The following ZC3H14 variants were observed in gnomAD, a reference collection of about 807,000 sequenced individuals.
ZC3H14 encodes the protein zinc finger CCCH domain-containing protein 14.
In ZC3H14, 31 loss-of-function variants were observed where a neutral mutation model predicts 92.4. That is an observed-to-expected ratio of 0.34 (90% confidence interval 0.25 to 0.45). The LOEUF (loss-of-function observed/expected upper bound fraction) is 0.45, where lower values mean the gene tolerates loss of function less well. Ranked by LOEUF, ZC3H14 falls within the 20% of genes least tolerant of loss-of-function variation. The pLI, the probability that ZC3H14 is intolerant of heterozygous loss-of-function variation, is 1.00. For synonymous variants in ZC3H14, 321 were observed against 300.9 expected, an observed-to-expected ratio of 1.07 and a Z score of -0.69; for missense variants, 781 against 897.3, an observed-to-expected ratio of 0.87 and a Z score of 1.66.
chr14:88,627,412 A>T lies in ZC3H14; in HGVS notation c.*15661A>T. 1 of 502,060 alleles carries T rather than the reference A, an allele frequency of 2.0e-6. No homozygotes were observed. The highest frequency in any genetic ancestry group is 3.5e-6 in the Non-Finnish European group (1 of 286,954). 31.1% of individuals were successfully genotyped at this position (502,060 alleles called of 1,614,324 possible). On this transcript the variant is annotated 3_prime_UTR_variant, in exon 17 of 17. Transcript: ENST00000251038. ...TTCTTGCTGGAAGAAAATAGCAGTG[A>T]ATCATTTATAATGCTAATAATGGTT...
At chr14:88,609,173 A>G in intron 13 of ZC3H14, 94 bp from the exon 14 acceptor site, 1 of 1,480,502 alleles carries the variant, frequency 6.8e-7, no homozygotes, top group Non-Finnish European at 9.3e-7. Flanking sequence ...TCTCAAAACA[A>G]GTAGTGATGG....
rs2080638536 is a variant in ZC3H14, at chr14:88,573,010, T to G, written c.861+3T>G. The G allele has an allele frequency of 5.0e-6, 8 of 1,613,606 alleles. No homozygotes were observed. The highest frequency in any genetic ancestry group is 1.3e-5 in the African/African-American group (1 of 74,914). Reference sequence around the variant, plus strand: ...ACTCGGAGAAAATGAGTATGGAGGTTTGTATGTACTTTTAAATTCTGGCTT... The same window carrying G: ...ACTCGGAGAAAATGAGTATGGAGGTGTGTATGTACTTTTAAATTCTGGCTT... On this transcript the variant is annotated splice_donor_region_variant and intron_variant, in intron 6 of 16. Transcript: ENST00000251038.
At position 88,576,058 on chromosome 14, in the gene ZC3H14, G is replaced by A. The variant is rs1481652824; in HGVS notation, c.1123+118G>A. 13 of 880,602 alleles carry A rather than the reference G, an allele frequency of 1.5e-5. No homozygotes were observed. The South Asian group carries it at 1.7e-4, about 12-fold the overall frequency. 54.5% of individuals were successfully genotyped at this position (880,602 alleles called of 1,614,324 possible). ...GGTGCCTGTCAGATGTCAAGACCAAGATGAGGTTCCCATATAGAAAAATGG... is the reference window on the plus strand; with the variant it reads ...GGTGCCTGTCAGATGTCAAGACCAAAATGAGGTTCCCATATAGAAAAATGG... On this transcript the variant is annotated intron_variant, in intron 8 of 16. Coordinates refer to ENST00000251038, the MANE Select transcript of ZC3H14 (RefSeq NM_024824.5).
Position 88,610,907 on chromosome 14 carries a change from G to A in ZC3H14, c.2171G>A (p.Arg724Gln). The A allele has an allele frequency of 1.2e-6, 2 of 1,614,082 alleles. No homozygotes were observed. The highest frequency in any genetic ancestry group is 1.7e-6 in the Non-Finnish European group (2 of 1,179,994). ...CATCCCACCATTAATGTCCCACCAC[G>A]ACATGCCTTGAAATGGATTCGACCT... ...FYHPTINVPP[R>Q]HALKWIRPQT... The change falls in exon 16 of 17, where the codon CGA becomes CAA. Residue 724 changes from arginine to glutamine, a missense_variant. Transcript: ENST00000251038.
chr14:88,594,401 G>T, intron 9 of ZC3H14: 2 of 1,102,202 alleles, frequency 1.8e-6, no homozygotes, highest in East Asian at 6.5e-5. Context: ...TAATAATAGG[G>T]TTTACTGGAA....
Position 88,621,726 on chromosome 14 carries a change from C to A in ZC3H14, c.*9975C>A. ...AATATCCGTATGATTTATAAATACA[C>A]TTAATAAGTACAAACACGCTCAAAA... On this transcript the variant is annotated 3_prime_UTR_variant, in exon 17 of 17. Coordinates refer to ENST00000251038, the MANE Select transcript of ZC3H14 (RefSeq NM_024824.5). 1 of 303,816 alleles carries A rather than the reference C, an allele frequency of 3.3e-6. No individual in the cohort carries two copies. Among genetic ancestry groups the A allele is most frequent in the Non-Finnish European group, 6.6e-6 (1 of 152,038 alleles). 18.8% of individuals were successfully genotyped at this position (303,816 alleles called of 1,614,324 possible). A position where few individuals can be genotyped will look rare whatever the true frequency, so the allele number is the denominator to read the frequency against.
At chr14:88,579,824 G>A (rs1261204519) in intron 9 of ZC3H14, among the ~76,000 whole-genome samples, 2 of 152,284 alleles carry the variant, frequency 1.3e-5, no homozygotes, top group Middle Eastern at 6.8e-3. Context: ...ATGAAAGCAT[G>A]CTGAAAGGTA....
chr14:88,572,496 T>A lies in ZC3H14; in HGVS notation c.432-82T>A, dbSNP rs1042024378. On this transcript the variant is annotated intron_variant, in intron 5 of 16. Coordinates refer to ENST00000251038, the MANE Select transcript of ZC3H14 (RefSeq NM_024824.5). Reference sequence around the variant, plus strand: ...AGTATCCTCAGTTTTTTCATTGAAATTTTTCAAGTAAACATTCTTTAAAGA... The same window carrying A: ...AGTATCCTCAGTTTTTTCATTGAAAATTTTCAAGTAAACATTCTTTAAAGA... 4 of 1,556,864 alleles carry A rather than the reference T, an allele frequency of 2.6e-6. No individual in the cohort carries two copies. The African/African-American group carries it at 5.5e-5, about 21-fold the overall frequency.
Position 88,627,099 on chromosome 14 carries a change from A to G in ZC3H14, c.*15348A>G. On this transcript the variant is annotated 3_prime_UTR_variant, in exon 17 of 17. Coordinates refer to ENST00000251038, the MANE Select transcript of ZC3H14 (RefSeq NM_024824.5). ...GTTATTACAAGAACCAAGCTAATCA[A>G]CAGCATCAAACAAATATGTAAAATA... The G allele has an allele frequency of 6.4e-7, 1 of 1,553,768 alleles. No individual in the cohort carries two copies. The highest frequency in any genetic ancestry group is 8.8e-7 in the Non-Finnish European group (1 of 1,130,268).
Position 88,611,799 on chromosome 14 carries a change from G to T in ZC3H14, c.*48G>T. The T allele has an allele frequency of 6.2e-7, 1 of 1,612,842 alleles. No individual in the cohort carries two copies. ...GATCATGCAGTTTGGAAGTTTTCATGTACTGATGAAAGATACTCTACAGAA... is the reference window on the plus strand; with the variant it reads ...GATCATGCAGTTTGGAAGTTTTCATTTACTGATGAAAGATACTCTACAGAA... On this transcript the variant is annotated 3_prime_UTR_variant, in exon 17 of 17. Coordinates refer to ENST00000251038, the MANE Select transcript of ZC3H14 (RefSeq NM_024824.5).
intron 10 of ZC3H14, among the ~76,000 whole-genome samples, chr14:88,597,414 G>C (rs1274772738): frequency 6.6e-6 from 1 of 152,104 alleles, no homozygotes; most frequent in Non-Finnish European, 1.5e-5. Context: ...GATAAACACA[G>C]GCAACCATGA....
Position 88,616,949 on chromosome 14 carries a change from C to A in ZC3H14, c.*5198C>A. ...CAGGTTGACTATATTCAAAAAGTTT[C>A]TTGGCAATTAATCTCTAAGTACCCT... On this transcript the variant is annotated 3_prime_UTR_variant, in exon 17 of 17. Transcript: ENST00000251038. 1 of 1,488,742 alleles carries A rather than the reference C, an allele frequency of 6.7e-7. No homozygotes were observed. Among genetic ancestry groups the A allele is most frequent in the Non-Finnish European group, 9.2e-7 (1 of 1,087,028 alleles). 92.2% of individuals were successfully genotyped at this position (1,488,742 alleles called of 1,614,324 possible). A position where few individuals can be genotyped will look rare whatever the true frequency, so the allele number is the denominator to read the frequency against.
At chr14:88,580,168 A>C (rs2081713189) in intron 9 of ZC3H14, among the ~76,000 whole-genome samples, 1 of 151,294 alleles carries the variant, frequency 6.6e-6, no homozygotes, top group African/African-American at 2.4e-5. Context: ...CTGAGGTTGC[A>C]GTGAGCCACG....
At chr14:88,586,859 C>T (rs1403230174) in intron 9 of ZC3H14, 1 of 152,132 alleles carries the variant, frequency 6.6e-6, no homozygotes, top group Non-Finnish European at 1.5e-5. Flanking sequence ...TTACTTCATT[C>T]TTCTCTATAC....
intron 10 of ZC3H14, among the ~76,000 whole-genome samples, 161 bp downstream of exon 10, chr14:88,596,969 T>C (rs1204496843): frequency 6.6e-6 from 1 of 152,204 alleles, no homozygotes; most frequent in Non-Finnish European, 1.5e-5. Context: ...GATCTGCATT[T>C]CTTTCATGTT....
chr14:88,582,466 A>G (rs756624944), intron 9 of ZC3H14, among the ~76,000 whole-genome samples: 2 of 152,234 alleles, frequency 1.3e-5, no homozygotes, highest in Non-Finnish European at 2.9e-5. Flanking sequence ...GCAGGATTAA[A>G]TTGTAGTGGC....
chr14:88,611,304 TG>T (rs1340575253), intron 16 of ZC3H14, among the ~76,000 whole-genome samples: 1 of 152,056 alleles, frequency 6.6e-6, no homozygotes, highest in Non-Finnish European at 1.5e-5. Flanking sequence ...TAAGTAGAGA[TG>T]GGGTCTTGAA....
rs144843433 is a variant in ZC3H14 at position 88,611,746 on chromosome 14, G to A, written c.2206G>A (p.Glu736Lys). 96 of 1,613,842 alleles carry A rather than the reference G, an allele frequency of 5.9e-5. No individual in the cohort carries two copies. The highest frequency in any genetic ancestry group is 8.8e-5 in the South Asian group (8 of 91,086). ...CAATTTTTGGTTCTGTTCATTCAGC[G>A]AATAGCACCCAGTCCTGCCTGGCAG... The part of the protein sequence containing the change: ...ALKWIRPQTS[E>K] The change falls in exon 17 of 17, where the codon GAA (glutamate) becomes AAA (lysine). Residue 736 changes from glutamate (E) to lysine (K), a missense_variant and splice_region_variant. This residue lies in a region of ZC3H14 where 221 missense variants were observed against 304.7 expected (regional missense o/e 0.73). Transcript: ENST00000251038.
chr14:88,611,899 C>A lies in ZC3H14; in HGVS notation c.*148C>A. On this transcript the variant is annotated 3_prime_UTR_variant, in exon 17 of 17. Coordinates refer to ENST00000251038, the MANE Select transcript of ZC3H14 (RefSeq NM_024824.5). ...TTTATTGCCTATCTATCTGAAGTGTCTAATTTTTCAAGTTTGTAAGTTTAT... is the reference window on the plus strand; with the variant it reads ...TTTATTGCCTATCTATCTGAAGTGTATAATTTTTCAAGTTTGTAAGTTTAT... 1 of 1,101,302 alleles carries A rather than the reference C, an allele frequency of 9.1e-7. No homozygotes were observed. The highest frequency in any genetic ancestry group is 1.5e-5 in the South Asian group (1 of 66,228). The allele number at this position is 1,101,302 out of a possible 1,614,324, so 68.2% of individuals were successfully genotyped here.
Sources: gnomAD v4.1 joint callset for allele counts (sites outside exome capture counted in the v4.1 genomes callset) on GRCh38, gnomAD v4.1.1 for gene constraint, gnomAD v4.1.1 regional missense constraint, MANE v1.5 for transcripts, NCBI Gene and HGNC (gene_info 2026-07-23, HGNC 2026-07-21) for gene names.